Variants in TIAM1 observed in about 807,000 individuals in gnomAD.
TIAM1 encodes the protein TIAM Rac1 associated GEF 1, also known as rho guanine nucleotide exchange factor TIAM1.
TIAM1 carries 65 observed loss-of-function variants against 163.5 expected under a neutral mutation model. That is an observed-to-expected ratio of 0.40 (90% CI 0.33 to 0.49). The LOEUF (loss-of-function observed/expected upper bound fraction) is 0.49. Ranked by LOEUF, TIAM1 falls within the 20% of genes least tolerant of loss-of-function variation. The probability of loss-of-function intolerance (pLI) is 0.77; values close to 1 mark genes in which losing one functional copy is unlikely to be tolerated. For synonymous variants in TIAM1, 833 were observed against 810.1 expected (o/e 1.03, Z -0.48); for missense variants, 1,789 against 2,044.7 (o/e 0.87, Z 2.41).
intron 2 of TIAM1, among the ~76,000 whole-genome samples, chr21:31,379,066 G>C (rs1435622907): frequency 1.3e-5 from 2 of 152,124 alleles, no homozygotes; most frequent in Non-Finnish European, 2.9e-5. Context: ...CCATTGCCCG[G>C]GTTCAAGCGA....
chr21:31,456,466 G>A (rs983919005), intron 2 of TIAM1, among the ~76,000 whole-genome samples: 4 of 152,254 alleles, frequency 2.6e-5, no homozygotes, highest in Non-Finnish European at 5.9e-5. Context: ...GCCTTTGCCA[G>A]GGAAACTGGG....
Position 31,402,069 on chromosome 21 carries a change from C to T in TIAM1, c.-369+61914G>A, listed in dbSNP as rs186003878. ...CTCTACTAAAATACAAAAAATTAGC[C>T]GGGCGTGGTGGTGCGCACCTGCAAT... On this transcript the variant is annotated intron_variant, in intron 2 of 28. Coordinates refer to the TIAM1 transcript ENST00000286827. Among the ~76,000 whole-genome samples, 484 of 151,876 alleles carry T rather than the reference C, an allele frequency of 3.2e-3. 2 individuals carry two copies. The highest frequency in any genetic ancestry group is 4.2e-3 in the Non-Finnish European group (286 of 67,950).
chr21:31,549,617 C>T (rs556274017), intron 1 of TIAM1, among the ~76,000 whole-genome samples: 1 of 152,342 alleles, frequency 6.6e-6, no homozygotes, highest in South Asian at 2.1e-4. Flanking sequence ...TGAGGAGATA[C>T]AGCCGCTCAT....
At chr21:31,491,095 C>T (rs8130855) in intron 1 of TIAM1, among the ~76,000 whole-genome samples, 43,788 of 151,976 alleles carry the variant, frequency 0.29, 7,471 homozygotes, top group African/African-American at 0.48. Flanking sequence ...TGCGCCACTG[C>T]GCTCCAACCT....
chr21:31,497,430 G>A (rs2046703589), intron 1 of TIAM1, among the ~76,000 whole-genome samples: 1 of 151,912 alleles, frequency 6.6e-6, no homozygotes, highest in Non-Finnish European at 1.5e-5. Flanking sequence ...TGAGATGTAT[G>A]GAATATCACC....
chr21:31,152,619 A>C lies in TIAM1; in HGVS notation c.3366+17T>G, dbSNP rs1797089186. On this transcript the variant is annotated intron_variant, in intron 19 of 27. Transcript: ENST00000541036. ...ACACTATAGCCCTGACGCTGGAGGC[A>C]GCTTTGCACTATTTACCTTAAATTG... is the stretch of plus-strand genomic sequence containing the variant. 2 of 1,613,374 alleles carry C rather than the reference A, an allele frequency of 1.2e-6. No homozygotes were observed. Among genetic ancestry groups the C allele is most frequent in the Non-Finnish European group, 1.7e-6 (2 of 1,179,816 alleles).
chr21:31,479,000 G>C (rs1241289251), intron 1 of TIAM1, among the ~76,000 whole-genome samples: 1 of 152,204 alleles, frequency 6.6e-6, no homozygotes, highest in African/African-American at 2.4e-5. Flanking sequence ...GGAAAAGAAT[G>C]TGATTTCTAC....
chr21:31,305,142 A>G (rs1377649139), intron 2 of TIAM1, among the ~76,000 whole-genome samples: 2 of 152,224 alleles, frequency 1.3e-5, no homozygotes, highest in Non-Finnish European at 2.9e-5. Flanking sequence ...CTCAACAAAG[A>G]TGTGCAACTA....
chr21:31,280,119 G>A (rs927172526), intron 2 of TIAM1, among the ~76,000 whole-genome samples: 1 of 152,154 alleles, frequency 6.6e-6, no homozygotes, highest in Non-Finnish European at 1.5e-5. Context: ...CTAGGGAAGC[G>A]AATGCTGAAA....
intron 2 of TIAM1, among the ~76,000 whole-genome samples, chr21:31,355,299 G>A (rs1382642228): frequency 1.3e-5 from 2 of 152,086 alleles, no homozygotes; most frequent in African/African-American, 4.8e-5. Context: ...CCTTTGGCAT[G>A]AATATGGGTT....
At chr21:31,473,513 T>C (rs894821008) in intron 1 of TIAM1, among the ~76,000 whole-genome samples, 1 of 96,022 alleles carries the variant, frequency 1.0e-5, no homozygotes, top group Admixed American at 1.1e-4. Flanking sequence ...CAGGTTGATT[T>C]AAGGTTAATT....
intron 20 of TIAM1, among the ~76,000 whole-genome samples, chr21:31,143,050 G>A (rs1200725718): frequency 6.6e-6 from 1 of 152,130 alleles, no homozygotes; most frequent in Non-Finnish European, 1.5e-5. Flanking sequence ...CCTCTGGGCT[G>A]GTGAGCACCT....
intron 20 of TIAM1, among the ~76,000 whole-genome samples, chr21:31,146,481 C>A (rs1247507984): frequency 6.9e-6 from 1 of 144,218 alleles, no homozygotes; most frequent in Non-Finnish European, 1.5e-5. Context: ...GAGGTCGAGG[C>A]GGGTGGATCA....
chr21:31,526,358 A>G (rs886157393), intron 1 of TIAM1, among the ~76,000 whole-genome samples: 3 of 152,222 alleles, frequency 2.0e-5, no homozygotes, highest in Non-Finnish European at 4.4e-5. Context: ...TGATGAGTGC[A>G]TGCACGGCGG....
chr21:31,528,492 T>C (rs2047859470), intron 1 of TIAM1, among the ~76,000 whole-genome samples: 1 of 150,908 alleles, frequency 6.6e-6, no homozygotes, highest in South Asian at 2.1e-4. Flanking sequence ...TACTCCAGCC[T>C]GGGCAACAGA....
At chr21:31,124,266 C>T in intron 27 of TIAM1, 1 of 375,830 alleles carries the variant, frequency 2.7e-6, no homozygotes, top group Non-Finnish European at 4.6e-6. Context: ...GGGAGGAGCT[C>T]ACCAGCCAAA....
At chr21:31,247,769 A>T (rs1008122202) in intron 5 of TIAM1, among the ~76,000 whole-genome samples, 1 of 151,992 alleles carries the variant, frequency 6.6e-6, no homozygotes, top group Non-Finnish European at 1.5e-5. Context: ...GTCTGCCCCA[A>T]CTCTATTTTT....
chr21:31,427,531 G>T (rs2043838831), intron 2 of TIAM1, among the ~76,000 whole-genome samples: 2 of 151,812 alleles, frequency 1.3e-5, no homozygotes, highest in Admixed American at 6.6e-5. Context: ...AAAGATTAAA[G>T]ATCACCAATT....
At chr21:31,306,005 C>T (rs952817960) in intron 2 of TIAM1, among the ~76,000 whole-genome samples, 4 of 152,144 alleles carry the variant, frequency 2.6e-5, no homozygotes, top group Middle Eastern at 3.2e-3. Context: ...GATGGTGGCA[C>T]ACAACGAGAC....
Sources: gnomAD v4.1 joint callset for allele counts (sites outside exome capture counted in the v4.1 genomes callset) on GRCh38, gnomAD v4.1.1 for gene constraint, MANE v1.5 for transcripts, NCBI Gene and HGNC (gene_info 2026-07-23, HGNC 2026-07-21) for gene names.